Variants in CYRIB observed in about 807,000 individuals in gnomAD.
CYRIB encodes the protein CYFIP related Rac1 interactor B, also known as CYFIP-related Rac1 interactor B.
A neutral mutation model predicts 44.2 loss-of-function variants in CYRIB; 8 were observed. The ratio of observed to expected loss-of-function variants is 0.18; its 90% CI spans 0.11 to 0.33. The LOEUF (loss-of-function observed/expected upper bound fraction) is 0.33. Among genes scored for constraint, CYRIB ranks in the 10% least tolerant of loss-of-function variants. The pLI is 1.00. For synonymous variants in CYRIB, 131 were observed against 127.2 expected (o/e 1.03, Z -0.20); for missense variants, 185 against 382.8 (o/e 0.48, Z 4.31).
At chr8:129,940,444 A>G (rs2093602165), upstream of CYRIB, among the ~76,000 whole-genome samples, 1 of 152,206 alleles carries the variant, frequency 6.6e-6, no homozygotes, top group Admixed American at 6.5e-5. Flanking sequence ...GAGAACAAAA[A>G]TTAGACTCCA....
At chr8:129,960,574 G>A (rs1024408884) in intron 2 of CYRIB, among the ~76,000 whole-genome samples, 1 of 151,040 alleles carries the variant, frequency 6.6e-6, no homozygotes, top group African/African-American at 2.4e-5. Flanking sequence ...TTAAACCTGG[G>A]AGGCAGAGGT....
chr8:129,842,492 A>G (rs542803985), intron 11 of CYRIB, among the ~76,000 whole-genome samples: 25 of 152,356 alleles, frequency 1.6e-4, no homozygotes, highest in Admixed American at 1.5e-3. Context: ...CTTCTCCCTC[A>G]GAAGAAAATG....
intron 2 of CYRIB, among the ~76,000 whole-genome samples, chr8:129,887,184 G>A (rs868828845): frequency 1.4e-4 from 22 of 152,100 alleles, no homozygotes; most frequent in Admixed American, 2.0e-4. Context: ...GGGCCTGGCT[G>A]CCCTGGGGAC....
intron 1 of CYRIB, among the ~76,000 whole-genome samples, chr8:129,987,545 CTTTTT>C (rs2096498827): frequency 6.9e-6 from 1 of 145,112 alleles, no homozygotes; most frequent in African/African-American, 2.6e-5. Flanking sequence ...CTTTTCTTTT[CTTTTT>C]CTTGTCTTTT....
At chr8:129,941,437 C>T (rs2093695496), upstream of CYRIB, among the ~76,000 whole-genome samples, 1 of 151,914 alleles carries the variant, frequency 6.6e-6, no homozygotes, top group South Asian at 2.1e-4. Flanking sequence ...CCATGCCTGG[C>T]TAATTTTTTG....
At chr8:129,910,832 G>A (rs371712714) in intron 1 of CYRIB, among the ~76,000 whole-genome samples, 1 of 152,100 alleles carries the variant, frequency 6.6e-6, no homozygotes, top group Non-Finnish European at 1.5e-5. Context: ...TCGCTCTGTC[G>A]CCCAGGCTGG....
At chr8:129,858,821 C>T (rs1201932461) in intron 5 of CYRIB, among the ~76,000 whole-genome samples, 1 of 152,208 alleles carries the variant, frequency 6.6e-6, no homozygotes, top group Non-Finnish European at 1.5e-5. Flanking sequence ...GACCATACAA[C>T]CTTCCCTTAG....
At chr8:129,870,553 G>A (rs1254301836) in intron 4 of CYRIB, among the ~76,000 whole-genome samples, 2 of 152,236 alleles carry the variant, frequency 1.3e-5, no homozygotes, top group Non-Finnish European at 1.5e-5. Context: ...AATGTCAGAA[G>A]AGAAATCAAG....
chr8:129,891,944 G>A (rs529656145), intron 2 of CYRIB, among the ~76,000 whole-genome samples: 84 of 152,280 alleles, frequency 5.5e-4, no homozygotes, highest in Non-Finnish European at 9.9e-4. Context: ...TTACATGGAA[G>A]TGAAACACAA....
chr8:130,000,137 C>A (rs565206740), intron 1 of CYRIB, among the ~76,000 whole-genome samples: 32 of 152,286 alleles, frequency 2.1e-4, no homozygotes, highest in African/African-American at 7.2e-4. Flanking sequence ...TTCTTCACTC[C>A]TTCAGCCACA....
intron 1 of CYRIB, among the ~76,000 whole-genome samples, chr8:129,921,768 T>C (rs535674102): frequency 1.3e-5 from 2 of 152,292 alleles, no homozygotes; most frequent in South Asian, 2.1e-4. Flanking sequence ...ACTGATTCTA[T>C]TTATCAAGAA....
chr8:129,875,187 G>T (rs1445898079), intron 3 of CYRIB, among the ~76,000 whole-genome samples: 1 of 151,912 alleles, frequency 6.6e-6, no homozygotes, highest in Non-Finnish European at 1.5e-5. Flanking sequence ...TTTGTCATTA[G>T]AATAAGCTAT....
chr8:129,936,111 T>G (rs1432199648), intron 1 of CYRIB, among the ~76,000 whole-genome samples: 1 of 152,192 alleles, frequency 6.6e-6, no homozygotes, highest in Non-Finnish European at 1.5e-5. Context: ...GAAAAAGTTT[T>G]GAGATTTGCT....
intron 4 of CYRIB, among the ~76,000 whole-genome samples, chr8:129,869,828 TTCC>T (rs2056206627): frequency 6.6e-6 from 1 of 152,146 alleles, no homozygotes; most frequent in Admixed American, 6.6e-5. Context: ...CAGGTTTACC[TTCC>T]TCAAGCTGGA....
At chr8:129,983,841 C>A (rs2132852055) in intron 1 of CYRIB, among the ~76,000 whole-genome samples, 1 of 152,364 alleles carries the variant, frequency 6.6e-6, no homozygotes. Context: ...GAACCGGGTG[C>A]AAGAGGCCGA....
chr8:129,872,006 T>C (rs530021797), intron 3 of CYRIB, among the ~76,000 whole-genome samples: 3 of 152,112 alleles, frequency 2.0e-5, no homozygotes, highest in Non-Finnish European at 2.9e-5. Context: ...ACTTTAATAG[T>C]TTTTAGGTGC....
At chr8:129,858,912 T>A (rs1465828286) in intron 5 of CYRIB, among the ~76,000 whole-genome samples, 2 of 152,220 alleles carry the variant, frequency 1.3e-5, no homozygotes, top group Non-Finnish European at 2.9e-5. Flanking sequence ...GCAAGTTTAC[T>A]GTAGGGTCCA....
intron 1 of CYRIB, among the ~76,000 whole-genome samples, chr8:129,997,030 G>A (rs955390812): frequency 1.5e-5 from 2 of 135,486 alleles, no homozygotes; most frequent in Admixed American, 7.7e-5. Context: ...AACCCAGTAT[G>A]CCTTTGTGAA....
chr8:130,008,028 G>A (rs1210216914), intron 1 of CYRIB, among the ~76,000 whole-genome samples: 1 of 152,090 alleles, frequency 6.6e-6, no homozygotes, highest in Non-Finnish European at 1.5e-5. Flanking sequence ...GTCCAACATG[G>A]TGAAACTCCA....
Sources: gnomAD v4.1 joint callset for allele counts (sites outside exome capture counted in the v4.1 genomes callset) on GRCh38, gnomAD v4.1.1 for gene constraint, MANE v1.5 for transcripts, NCBI Gene and HGNC (gene_info 2026-07-23, HGNC 2026-07-21) for gene names.